The following DROSHA variants were observed in gnomAD, a reference collection of about 807,000 sequenced individuals.
The protein encoded by DROSHA is ribonuclease 3.
A neutral mutation model predicts 181.9 loss-of-function variants in DROSHA; 56 were observed. The observed-to-expected ratio is 0.31, with a 90% CI of 0.25 to 0.38. DROSHA has a LOEUF of 0.38. Ranked by LOEUF, DROSHA falls within the 10% of genes least tolerant of loss-of-function variation. The pLI, the probability that DROSHA is intolerant of heterozygous loss-of-function variation, is 1.00. For synonymous variants in DROSHA, 524 were observed against 591.2 expected, an observed-to-expected ratio of 0.89 and a Z score of 1.65; for missense variants, 1,218 against 1,743.5, an observed-to-expected ratio of 0.70 and a Z score of 5.37.
intron 20 of DROSHA, among the ~76,000 whole-genome samples, chr5:31,463,897 T>A (rs560605125): frequency 1.8e-4 from 27 of 152,142 alleles, no homozygotes; most frequent in Admixed American, 1.4e-3. Flanking sequence ...ATCTCTTTTG[T>A]ATAAGCACCT....
chr5:31,498,081 A>G (rs1206794499), intron 11 of DROSHA, among the ~76,000 whole-genome samples: 2 of 152,162 alleles, frequency 1.3e-5, no homozygotes, highest in African/African-American at 4.8e-5. Context: ...GTAAGGGGAA[A>G]CTTTGTTTTA....
Position 31,514,937 on chromosome 5 carries a change from G to A in DROSHA, c.1290+51C>T, listed in dbSNP as rs1271953182. On this transcript the variant is annotated intron_variant, in intron 8 of 35. Transcript: ENST00000344624. This position sits in a 1 kb window ranked among gnomAD's most constrained non-coding sequence, Gnocchi z 4.4. ...TTATCCAGCCCCAAAGGCCAATAGT[G>A]ACAACGCCGAGAAGCCCTAGTCTAC... 2 of 1,556,202 alleles carry A rather than the reference G, an allele frequency of 1.3e-6. No homozygotes were observed. The highest frequency in any genetic ancestry group is 1.8e-6 in the Non-Finnish European group (2 of 1,137,534).
chr5:31,409,424 A>G lies in DROSHA; in HGVS notation c.3668-92T>C. ...CTAGACCTTTAAGCAAAATTTTAGT[A>G]ATAGTTTCAACTTCCAGGCCCTCTT... On this transcript the variant is annotated intron_variant, in intron 31 of 35. Transcript: ENST00000344624. The surrounding 1 kb of genome is among the most constrained non-coding windows in gnomAD (Gnocchi z 4.0). The G allele has an allele frequency of 1.7e-6, 2 of 1,173,836 alleles. No homozygotes were observed. The highest frequency in any genetic ancestry group is 2.6e-5 in the East Asian group (1 of 38,760). 72.7% of individuals were successfully genotyped at this position (1,173,836 alleles called of 1,614,324 possible). A position where few individuals can be genotyped will look rare whatever the true frequency, so the allele number is the denominator to read the frequency against.
intron 12 of DROSHA, among the ~76,000 whole-genome samples, chr5:31,493,881 T>A (rs1039333613): frequency 2.0e-5 from 3 of 151,962 alleles, no homozygotes; most frequent in Admixed American, 2.0e-4. Context: ...AAATAATACA[T>A]ATATCAATCT....
chr5:31,479,107 T>C (rs892796547), intron 16 of DROSHA, among the ~76,000 whole-genome samples: 7 of 152,060 alleles, frequency 4.6e-5, no homozygotes, highest in African/African-American at 1.7e-4. Flanking sequence ...GCATTTACAG[T>C]ACAGAGAATG....
In DROSHA at chr5:31,467,977, C is replaced by A. The variant is rs1749280349; in HGVS notation, c.2328G>T (p.Gly776=). The part of the protein sequence containing the change: ...VITFPIIVHF[G]IRPAQLSYAG... ...CATAACTCAACTGTGCAGGGCGTATCCCAAAGTGGACGATAATCGGAAAAG... is the reference window on the plus strand; with the variant it reads ...CATAACTCAACTGTGCAGGGCGTATACCAAAGTGGACGATAATCGGAAAAG... The change falls in exon 18 of 36, where the codon GGG becomes GGT. Residue 776 remains glycine (G), a synonymous_variant. Coordinates refer to ENST00000344624, the MANE Select transcript of DROSHA (RefSeq NM_001382508.1). 1.2e-6 allele frequency: 2 copies of A among 1,611,610 alleles called. No individual in the cohort carries two copies. Among genetic ancestry groups the A allele is most frequent in the African/African-American group, 1.3e-5 (1 of 74,890 alleles).
chr5:31,451,705 TACA>T, intron 20 of DROSHA, 65 bp from the exon 21 acceptor site: 1 of 1,333,628 alleles, frequency 7.5e-7, no homozygotes, highest in Non-Finnish European at 1.0e-6. Context: ...TCATTTATTT[TACA>T]ACAAGCCAGA....
At chr5:31,454,064 G>A (rs1174246498) in intron 20 of DROSHA, among the ~76,000 whole-genome samples, 1 of 152,178 alleles carries the variant, frequency 6.6e-6, no homozygotes, top group Non-Finnish European at 1.5e-5. Context: ...AAGAGTGTAT[G>A]AGGAGAAAGA....
At chr5:31,461,769 T>C (rs1404423034) in intron 20 of DROSHA, among the ~76,000 whole-genome samples, 1 of 152,054 alleles carries the variant, frequency 6.6e-6, no homozygotes, top group Non-Finnish European at 1.5e-5. Context: ...TAAGGTTTTT[T>C]TTTTTTTTAA....
rs368252147 is a variant in DROSHA, at chr5:31,409,319, C to A, written c.3681G>T (p.Ala1227=). 3.8e-6 allele frequency: 6 copies of A among 1,578,646 alleles called. No individual in the cohort carries two copies. The highest frequency in any genetic ancestry group is 5.2e-6 in the Non-Finnish European group (6 of 1,161,128). ...LADLLESFIA[A]LYIDKDLEYV... is the part of the protein sequence containing the mutation. ...ATTCCAAATCCTTATCAATGTACAG[C>A]GCTGCAATAAATGCTGGGGAAAAAA... The change falls in exon 32 of 36, where the codon GCG becomes GCT. Residue 1227 remains alanine (A), a synonymous_variant. Transcript: ENST00000344624. This position sits in a 1 kb window ranked among gnomAD's most constrained non-coding sequence, Gnocchi z 4.0.
chr5:31,493,637 G>A (rs1752637009), intron 12 of DROSHA, among the ~76,000 whole-genome samples: 1 of 152,120 alleles, frequency 6.6e-6, no homozygotes, highest in Non-Finnish European at 1.5e-5. Flanking sequence ...AGTCCTAACA[G>A]GAGCAAGGTA....
At chr5:31,478,429 A>C (rs756120776) in intron 16 of DROSHA, among the ~76,000 whole-genome samples, 5 of 152,256 alleles carry the variant, frequency 3.3e-5, no homozygotes, top group Admixed American at 1.3e-4. Flanking sequence ...AGCTTGGACT[A>C]AACTGTAAAA....
At chr5:31,529,595 C>A (rs1000667665) in intron 3 of DROSHA, among the ~76,000 whole-genome samples, 1 of 151,980 alleles carries the variant, frequency 6.6e-6, no homozygotes, top group African/African-American at 2.4e-5. Context: ...CTTAGCCGGG[C>A]GTGGTGGTGG....
intron 11 of DROSHA, among the ~76,000 whole-genome samples, chr5:31,497,304 A>T (rs1753106240): frequency 6.6e-6 from 1 of 152,216 alleles, no homozygotes; most frequent in Admixed American, 6.5e-5. Context: ...GGCTTTCTGC[A>T]GATAAACCTG....
intron 27 of DROSHA, among the ~76,000 whole-genome samples, chr5:31,425,803 A>C: frequency 6.6e-6 from 1 of 152,142 alleles, no homozygotes; most frequent in African/African-American, 2.4e-5. Context: ...CCTGGGTCCA[A>C]TCCTGATTCC....
intron 23 of DROSHA, among the ~76,000 whole-genome samples, chr5:31,445,964 G>A (rs992832198): frequency 2.0e-5 from 3 of 152,044 alleles, no homozygotes; most frequent in Non-Finnish European, 2.9e-5. Context: ...AGGATTACAC[G>A]GGAAGAAGTA....
At chr5:31,403,944 C>T (rs1224155691) in intron 35 of DROSHA, among the ~76,000 whole-genome samples, 7 of 151,802 alleles carry the variant, frequency 4.6e-5, no homozygotes, top group Non-Finnish European at 8.8e-5. Flanking sequence ...CTTTTTTTGG[C>T]GGGGAGGGGA....
intron 28 of DROSHA, among the ~76,000 whole-genome samples, chr5:31,424,105 T>TA (rs1743144358): frequency 6.6e-6 from 1 of 152,196 alleles, no homozygotes; most frequent in Non-Finnish European, 1.5e-5. Context: ...TGTGTAGATA[T>TA]ACTGGAGTCA....
intron 3 of DROSHA, among the ~76,000 whole-genome samples, chr5:31,529,407 C>G (rs974021180): frequency 1.3e-5 from 2 of 152,168 alleles, no homozygotes; most frequent in Admixed American, 1.3e-4. Context: ...TTTCCCCTCT[C>G]CCCCTTCATA....
Sources: allele counts gnomAD v4.1 joint callset (sites outside exome capture counted in the v4.1 genomes callset), GRCh38; gene constraint gnomAD v4.1.1; non-coding constraint Gnocchi (gnomAD v3.1); transcripts MANE v1.5; gene names NCBI Gene and HGNC (gene_info 2026-07-23, HGNC 2026-07-21).